IPO11: variants seen among roughly 807,000 people sequenced by gnomAD.
IPO11 encodes importin 11.
IPO11 carries 66 observed loss-of-function variants against 143.2 expected under a neutral mutation model. The observed-to-expected ratio is 0.46, with a 90% confidence interval of 0.38 to 0.57. The LOEUF is 0.57. IPO11 is among the 20% of genes least tolerant of loss of function. The pLI is 0.00. For missense variants in IPO11, 1,026 were observed against 1,141.0 expected (o/e 0.90, Z 1.45); for synonymous variants, 385 against 377.8 (o/e 1.02, Z -0.22).
intron 9 of IPO11, among the ~76,000 whole-genome samples, chr5:62,481,702 C>G (rs192046025): frequency 6.5e-4 from 99 of 152,238 alleles, no homozygotes; most frequent in Non-Finnish European, 1.2e-3. Context: ...TGATGTTCAT[C>G]AGGGATATTG....
chr5:62,609,015 T>C (rs1745834752), intron 29 of IPO11, among the ~76,000 whole-genome samples: 1 of 152,232 alleles, frequency 6.6e-6, no homozygotes, highest in Non-Finnish European at 1.5e-5. Flanking sequence ...TAGCCTCATA[T>C]GATTTTTATT....
intron 1 of IPO11, among the ~76,000 whole-genome samples, chr5:62,420,673 G>T (rs1743482209): frequency 6.6e-6 from 1 of 151,126 alleles, no homozygotes; most frequent in South Asian, 2.1e-4. Flanking sequence ...TTGACCTCCT[G>T]GGCTCAGGTG....
intron 24 of IPO11, among the ~76,000 whole-genome samples, chr5:62,548,896 AT>A (rs1352621937): frequency 1.6e-4 from 25 of 151,712 alleles, no homozygotes; most frequent in Non-Finnish European, 2.9e-4. Context: ...CCCTCTTAAA[AT>A]TTTTTTTCTG....
chr5:62,505,140 A>G (rs939306496), intron 18 of IPO11, among the ~76,000 whole-genome samples: 3 of 151,778 alleles, frequency 2.0e-5, no homozygotes, highest in Non-Finnish European at 4.4e-5. Flanking sequence ...TCTGTGTTGA[A>G]GTTGGTTGTC....
intron 24 of IPO11, among the ~76,000 whole-genome samples, chr5:62,538,108 A>C (rs561686526): frequency 1.3e-5 from 2 of 152,330 alleles, no homozygotes; most frequent in Admixed American, 1.3e-4. Flanking sequence ...TGAGAGCTGA[A>C]TTTCTATCAC....
chr5:62,516,051 G>C, intron 20 of IPO11, among the ~76,000 whole-genome samples: 1 of 152,172 alleles, frequency 6.6e-6, no homozygotes. Flanking sequence ...TCTGGTGAGA[G>C]TATGGTTAGG....
intron 1 of IPO11, among the ~76,000 whole-genome samples, chr5:62,433,851 A>T (rs1312920601): frequency 6.6e-6 from 1 of 151,414 alleles, no homozygotes; most frequent in Admixed American, 6.6e-5. Context: ...GGCAGTAGTC[A>T]GTGATTTTTT....
intron 27 of IPO11, among the ~76,000 whole-genome samples, chr5:62,586,549 C>T (rs1053665390): frequency 4.0e-5 from 6 of 151,448 alleles, no homozygotes; most frequent in African/African-American, 1.5e-4. Context: ...GTCGGGAGTT[C>T]GAGACCAGCC....
intron 28 of IPO11, among the ~76,000 whole-genome samples, chr5:62,600,689 A>C (rs1237966014): frequency 6.6e-6 from 1 of 152,144 alleles, no homozygotes; most frequent in Non-Finnish European, 1.5e-5. Context: ...ACTGTATTAT[A>C]TCATGGCAGA....
chr5:62,553,465 T>A (rs957440422), intron 26 of IPO11, among the ~76,000 whole-genome samples: 4 of 152,112 alleles, frequency 2.6e-5, no homozygotes, highest in African/African-American at 9.7e-5. Context: ...AGCAGGTATC[T>A]TTTCAATACA....
At position 62,541,217 on chromosome 5, in the gene IPO11, C is replaced by A. The variant is rs1742923592; in HGVS notation, c.2250+3928C>A. Reference sequence around the variant, plus strand: ...AGAAACCCTGTCTCTACTAAAAATACAAAATTAGCCGGGCATGGTGCCACA... The same window carrying A: ...AGAAACCCTGTCTCTACTAAAAATAAAAAATTAGCCGGGCATGGTGCCACA... On this transcript the variant is annotated intron_variant, in intron 24 of 29. Transcript: ENST00000325324. Among the ~76,000 whole-genome samples the A allele has an allele frequency of 2.6e-5, 4 of 151,498 alleles. No homozygotes were observed. The South Asian group carries it at 8.3e-4, about 32-fold the overall frequency.
intron 1 of IPO11, among the ~76,000 whole-genome samples, chr5:62,421,320 G>C (rs1312590991): frequency 3.9e-5 from 6 of 152,128 alleles, no homozygotes; most frequent in Non-Finnish European, 8.8e-5. Context: ...TGTTAACCTT[G>C]TGTAGGGTAT....
rs34056674 is a variant in IPO11, at chr5:62,464,143, GTTTTTT to G, written c.517-2968_517-2963del. Among the ~76,000 whole-genome samples, 470 of 78,692 alleles carry G rather than the reference GTTTTTT, an allele frequency of 6.0e-3. 3 individuals carry two copies. Among genetic ancestry groups the G allele is most frequent in the African/African-American group, 0.023 (443 of 19,152 alleles). The allele number at this position is 78,692 out of a possible 152,430, so 51.6% of individuals were successfully genotyped here. ...CTGGTCTATGTGTTTGTTTTTGGTG[GTTTTTT>G]TTTTTTTTTTTTTTTTTTTGAGATG... On this transcript the variant is annotated intron_variant, in intron 5 of 29. Coordinates refer to ENST00000325324, the MANE Select transcript of IPO11 (RefSeq NM_016338.5).
rs114370253 is a variant in IPO11 at position 62,427,542 on chromosome 5, G to T, written c.-6-9732G>T. Among the ~76,000 whole-genome samples, 1,273 of 152,352 alleles carry T rather than the reference G, an allele frequency of 8.4e-3. 22 individuals carry two copies. The highest frequency in any genetic ancestry group is 0.03 in the African/African-American group (1,234 of 41,578). On this transcript the variant is annotated intron_variant, in intron 1 of 29. Transcript: ENST00000325324. ...TGGGCCACACTGCAGGAGGTGAGCA[G>T]TGGGTGGAGAGTGAGCATTACTACC... is the stretch of plus-strand genomic sequence containing the variant.
chr5:62,524,715 T>A (rs1199593046), intron 20 of IPO11, among the ~76,000 whole-genome samples: 1 of 152,152 alleles, frequency 6.6e-6, no homozygotes, highest in Non-Finnish European at 1.5e-5. Context: ...GTGCAGTGAC[T>A]GTAGTTAAAA....
chr5:62,543,522 G>A (rs528236322), intron 24 of IPO11, among the ~76,000 whole-genome samples: 49 of 152,192 alleles, frequency 3.2e-4, no homozygotes, highest in African/African-American at 9.4e-4. Context: ...CTGTGCGATC[G>A]GTAGTGATAT....
intron 29 of IPO11, among the ~76,000 whole-genome samples, chr5:62,615,383 G>A (rs1434215109): frequency 6.6e-6 from 1 of 152,186 alleles, no homozygotes; most frequent in South Asian, 2.1e-4. Context: ...GATTTTGCAA[G>A]TATAATTATC....
intron 18 of IPO11, among the ~76,000 whole-genome samples, chr5:62,505,835 T>C (rs1741538068): frequency 6.6e-6 from 1 of 152,058 alleles, no homozygotes; most frequent in African/African-American, 2.4e-5. Context: ...ATAATTAACG[T>C]CTTTTTGCCG....
At chr5:62,558,506 T>C (rs1743654005) in intron 26 of IPO11, among the ~76,000 whole-genome samples, 1 of 152,234 alleles carries the variant, frequency 6.6e-6, no homozygotes, top group Admixed American at 6.5e-5. Flanking sequence ...TTAAGAATTA[T>C]ATCATTAAGA....
Sources: allele counts gnomAD v4.1 joint callset (sites outside exome capture counted in the v4.1 genomes callset), GRCh38; gene constraint gnomAD v4.1.1; transcripts MANE v1.5; gene names NCBI Gene and HGNC (gene_info 2026-07-23, HGNC 2026-07-21).